The following DENND1A variants were observed in gnomAD, a reference collection of about 807,000 sequenced individuals.
DENND1A encodes DENN domain containing 1A.
In DENND1A, 51 loss-of-function variants were observed where a neutral mutation model predicts 113.7. The observed-to-expected ratio is 0.45, with a 90% CI of 0.36 to 0.57. The LOEUF (loss-of-function observed/expected upper bound fraction) is 0.57. DENND1A is among the 20% of genes least tolerant of loss of function. The pLI, the probability that DENND1A is intolerant of heterozygous loss-of-function variation, is 0.00. For missense variants in DENND1A, 1,258 were observed against 1,395.9 expected (o/e 0.90, Z 1.57); for synonymous variants, 565 against 570.8 (o/e 0.99, Z 0.14).
intron 11 of DENND1A, among the ~76,000 whole-genome samples, chr9:123,588,059 C>T (rs7873351): frequency 0.13 from 20,015 of 151,894 alleles, 1,387 homozygotes; most frequent in African/African-American, 0.17. Context: ...GAGCAGATCA[C>T]CAGAGGTCAG....
chr9:123,761,433 C>A (rs2071028682), intron 4 of DENND1A, among the ~76,000 whole-genome samples: 1 of 152,162 alleles, frequency 6.6e-6, no homozygotes, highest in Non-Finnish European at 1.5e-5. Context: ...AAAAACTAGG[C>A]CTTTGCTTAG....
intron 9 of DENND1A, among the ~76,000 whole-genome samples, chr9:123,650,249 C>T (rs922979538): frequency 2.6e-5 from 4 of 151,960 alleles, no homozygotes; most frequent in Non-Finnish European, 5.9e-5. Flanking sequence ...CTATTCTTAA[C>T]ACATACTAGG....
intron 1 of DENND1A, among the ~76,000 whole-genome samples, chr9:123,912,827 A>C (rs571680762): frequency 1.2e-4 from 19 of 152,216 alleles, no homozygotes; most frequent in Non-Finnish European, 1.8e-4. Context: ...ATCACCTCCC[A>C]GTGATGAAAT....
intron 2 of DENND1A, among the ~76,000 whole-genome samples, chr9:123,835,773 G>A (rs181400505): frequency 2.1e-3 from 320 of 151,770 alleles, no homozygotes; most frequent in Non-Finnish European, 3.4e-3. Context: ...TAGTAGAAAA[G>A]AATCACTAAC....
chr9:123,432,017 G>A (rs971311452), intron 19 of DENND1A, among the ~76,000 whole-genome samples: 1 of 152,130 alleles, frequency 6.6e-6, no homozygotes, highest in South Asian at 2.1e-4. Flanking sequence ...TTTTCACTCA[G>A]CTGCTGACAT....
intron 23 of DENND1A, 132 bp from the exon 24 acceptor site, chr9:123,382,757 G>A (rs768913848): frequency 2.0e-6 from 2 of 985,770 alleles, no homozygotes; most frequent in Non-Finnish European, 3.0e-6. Flanking sequence ...CCTCGGACTT[G>A]GAACAGCTGA....
intron 19 of DENND1A, among the ~76,000 whole-genome samples, chr9:123,424,602 G>T (rs529647123): frequency 6.6e-6 from 1 of 152,110 alleles, no homozygotes; most frequent in African/African-American, 2.4e-5. Context: ...TACAACCCTC[G>T]TTGGCTCCTA....
chr9:123,655,891 CACTTATTTA>C (rs2062919061), intron 8 of DENND1A, among the ~76,000 whole-genome samples: 1 of 152,242 alleles, frequency 6.6e-6, no homozygotes, highest in Non-Finnish European at 1.5e-5. Context: ...AATCAACACA[CACTTATTTA>C]ACTCCTACTA....
At chr9:123,627,235 G>T (rs2061265570) in intron 10 of DENND1A, among the ~76,000 whole-genome samples, 2 of 152,224 alleles carry the variant, frequency 1.3e-5, no homozygotes, top group South Asian at 4.1e-4. Flanking sequence ...AATGGTAGGG[G>T]TGCCCAGGGT....
At chr9:123,728,460 A>G (rs533231235) in intron 5 of DENND1A, among the ~76,000 whole-genome samples, 1 of 133,876 alleles carries the variant, frequency 7.5e-6, no homozygotes, top group East Asian at 2.4e-4. Context: ...CTGGGCAACA[A>G]TTGCAAAACT....
chr9:123,676,619 C>T (rs889522965), intron 6 of DENND1A, 101 bp downstream of exon 6: 1 of 1,060,472 alleles, frequency 9.4e-7, no homozygotes, highest in Non-Finnish European at 1.4e-6. Context: ...CTATAATGGG[C>T]ATGCATCACT....
chr9:123,591,206 C>T (rs1408355141), intron 11 of DENND1A, among the ~76,000 whole-genome samples: 1 of 152,170 alleles, frequency 6.6e-6, no homozygotes, highest in Non-Finnish European at 1.5e-5. Flanking sequence ...GGGATTTCCT[C>T]CCTAAAATAT....
chr9:123,396,400 G>A (rs1437709368), intron 21 of DENND1A, among the ~76,000 whole-genome samples: 1 of 152,256 alleles, frequency 6.6e-6, no homozygotes, highest in East Asian at 1.9e-4. Context: ...GGCTGTGCAG[G>A]AGGGAAAGTG....
chr9:123,545,959 G>A (rs1263715094), intron 13 of DENND1A, among the ~76,000 whole-genome samples: 1 of 152,134 alleles, frequency 6.6e-6, no homozygotes, highest in African/African-American at 2.4e-5. Context: ...ACCAGTAGCA[G>A]CAACCGTTTC....
chr9:123,567,344 A>G (rs1345328621), intron 12 of DENND1A, among the ~76,000 whole-genome samples: 1 of 152,230 alleles, frequency 6.6e-6, no homozygotes, highest in Non-Finnish European at 1.5e-5. Context: ...ACAACACACA[A>G]AATTAAAGTG....
At chr9:123,557,732 A>G (rs1372010677) in intron 12 of DENND1A, 37 bp from the exon 13 acceptor site, 2 of 1,610,926 alleles carry the variant, frequency 1.2e-6, no homozygotes, top group Non-Finnish European at 1.7e-6. Flanking sequence ...GGTTGAGGAC[A>G]GGGTCAAAGT....
chr9:123,635,888 C>A (rs563541217), intron 9 of DENND1A, among the ~76,000 whole-genome samples: 1 of 152,308 alleles, frequency 6.6e-6, no homozygotes, highest in African/African-American at 2.4e-5. Context: ...CCTGGGCAAG[C>A]CACTTCCTTT....
At chr9:123,667,173 T>C in intron 7 of DENND1A, 94 bp from the exon 8 acceptor site, 2 of 1,283,136 alleles carry the variant, frequency 1.6e-6, no homozygotes, top group Non-Finnish European at 2.2e-6. Flanking sequence ...AATATTTCCT[T>C]ACTCAGAAAA....
chr9:123,669,457 A>C (rs1259108217), intron 7 of DENND1A, among the ~76,000 whole-genome samples: 1 of 152,222 alleles, frequency 6.6e-6, no homozygotes, highest in Non-Finnish European at 1.5e-5. Flanking sequence ...GGGAGGTCAG[A>C]AACATTCCTA....
Sources: allele counts gnomAD v4.1 joint callset (sites outside exome capture counted in the v4.1 genomes callset), GRCh38; gene constraint gnomAD v4.1.1; transcripts MANE v1.5; gene names NCBI Gene and HGNC (gene_info 2026-07-23, HGNC 2026-07-21).